The following VIPAS39 variants were observed in gnomAD, a reference collection of about 807,000 sequenced individuals.
VIPAS39 encodes VPS33B interacting protein, apical-basolateral polarity regulator, spe-39 homolog.
Under a neutral mutation model 84.7 loss-of-function variants are expected in VIPAS39, and 63 were observed. The ratio of observed to expected loss-of-function variants is 0.74; its 90% CI spans 0.61 to 0.92. The LOEUF (loss-of-function observed/expected upper bound fraction) is 0.92, where lower values mean the gene tolerates loss of function less well. VIPAS39 is among the 40% of genes least tolerant of loss of function. The probability of loss-of-function intolerance (pLI) is 0.00; values close to 1 mark genes in which losing one functional copy is unlikely to be tolerated. For missense variants in VIPAS39, 499 were observed against 604.5 expected, an observed-to-expected ratio of 0.83 and a Z score of 1.83; for synonymous variants, 192 against 216.5, an observed-to-expected ratio of 0.89 and a Z score of 0.99.
At chr14:77,431,082 C>T (rs541676777) in intron 16 of VIPAS39, among the ~76,000 whole-genome samples, 6 of 152,276 alleles carry the variant, frequency 3.9e-5, no homozygotes, top group Admixed American at 6.5e-5. Flanking sequence ...AGCCATAAAA[C>T]TCATAGAAGA....
chr14:77,456,304 T>C (rs2078959420), intron 1 of VIPAS39, among the ~76,000 whole-genome samples: 2 of 152,302 alleles, frequency 1.3e-5, no homozygotes, highest in South Asian at 4.1e-4. Context: ...ATCATCCTGG[T>C]ACCTTGGGAA....
chr14:77,429,003 C>T lies in VIPAS39; in HGVS notation c.1356+3G>A. The stretch of plus-strand genomic sequence containing the variant: ...GGAGGACTCCCATTTCTTGGGGACT[C>T]ACATCAATGACGACATCATGGCACT... On this transcript the variant is annotated splice_donor_region_variant and intron_variant, in intron 18 of 19. Coordinates refer to ENST00000557658, the MANE Select transcript of VIPAS39 (RefSeq NM_001193315.2). 1 of 1,613,614 alleles carries T rather than the reference C, an allele frequency of 6.2e-7. No individual in the cohort carries two copies. The highest frequency in any genetic ancestry group is 8.5e-7 in the Non-Finnish European group (1 of 1,179,640).
chr14:77,430,164 G>A (rs149084221), intron 16 of VIPAS39, among the ~76,000 whole-genome samples: 7 of 152,280 alleles, frequency 4.6e-5, no homozygotes, highest in African/African-American at 1.7e-4. Flanking sequence ...TTTTAACAGT[G>A]TTTGCCTTGA....
chr14:77,442,580 C>T lies in VIPAS39; in HGVS notation c.714G>A (p.Lys238=). The T allele has an allele frequency of 6.2e-7, 1 of 1,614,186 alleles. No individual in the cohort carries two copies. The highest frequency in any genetic ancestry group is 8.5e-7 in the Non-Finnish European group (1 of 1,180,024). The change falls in exon 10 of 20, where the codon AAG becomes AAA. Residue 238 remains lysine, a synonymous_variant. Coordinates refer to ENST00000557658, the MANE Select transcript of VIPAS39 (RefSeq NM_001193315.2). The part of the protein sequence containing the change: ...IHFLKEIGDQ[K]LLLDLFRFLD... ...CTTACCTGAAGAGGTCTAAAAGCAA[C>T]TTTTGATCCCCTATTTCCTTAAGGA...
chr14:77,449,266 G>A (rs368869821), intron 6 of VIPAS39, 27 bp downstream of exon 6: 1 of 1,607,598 alleles, frequency 6.2e-7, no homozygotes. Flanking sequence ...TGTGGAAAGT[G>A]TCACACCAGT....
rs375264669 is a variant in VIPAS39, at chr14:77,437,774, T to C, written c.836+34A>G. On this transcript the variant is annotated intron_variant, in intron 12 of 19. Coordinates refer to ENST00000557658, the MANE Select transcript of VIPAS39 (RefSeq NM_001193315.2). ...TCTTCATTCCTTCTGGGTAAAGGTA[T>C]TTATACTTAAAATCATTTTTCCCCC... 1.6e-4 allele frequency: 255 copies of C among 1,600,876 alleles called. No individual in the cohort carries two copies. The African/African-American group carries it at 3.2e-3, about 20-fold the overall frequency.
intron 14 of VIPAS39, 142 bp downstream of exon 14, chr14:77,435,117 G>C: frequency 7.5e-7 from 1 of 1,336,022 alleles, no homozygotes; most frequent in Non-Finnish European, 1.1e-6. Flanking sequence ...TCTTACCCCT[G>C]GTGAGGGCCA....
At position 77,429,702 on chromosome 14, in the gene VIPAS39, G is replaced by C. The variant is rs752620490; in HGVS notation, c.1245C>G (p.His415Gln). The C allele has an allele frequency of 2.5e-6, 4 of 1,614,168 alleles. No homozygotes were observed. The highest frequency in any genetic ancestry group is 2.2e-5 in the East Asian group (1 of 44,888). ...IGFHRVVEIL[H>Q]KNNAPVQILQ... ...TTACCTGCACAGGGGCATTGTTCTT[G>C]TGCAAAATTTCGACAACCCGATGGA... Residue 415 changes from histidine (H) to glutamine (Q), a missense_variant, in exon 17 of 20, where the codon CAC (histidine) becomes CAG (glutamine). Transcript: ENST00000557658.
intron 1 of VIPAS39, chr14:77,457,287 G>C: frequency 8.5e-6 from 13 of 1,535,662 alleles, no homozygotes; most frequent in Non-Finnish European, 1.0e-5. Flanking sequence ...TGAACCAAAT[G>C]TCCGCTTCCG....
In VIPAS39 at chr14:77,457,384, GCCTGTAGT is replaced by G. The variant is rs760756084; in HGVS notation, c.-1+103_-1+110del. The G allele has an allele frequency of 1.2e-5, 19 of 1,535,534 alleles. No homozygotes were observed. The African/African-American group carries it at 2.1e-4, about 17-fold the overall frequency. ...GCCCTGACTGAAAGAAGAGAATCAG[GCCTGTAGT>G]CATAGGGTGTAGGGATGCCTCCTAG... On this transcript the variant is annotated intron_variant, in intron 1 of 19. Coordinates refer to ENST00000557658, the MANE Select transcript of VIPAS39 (RefSeq NM_001193315.2).
At chr14:77,431,617 C>G (rs2078524043) in intron 16 of VIPAS39, among the ~76,000 whole-genome samples, 1 of 152,100 alleles carries the variant, frequency 6.6e-6, no homozygotes, top group South Asian at 2.1e-4. Context: ...CTGCAGTGAG[C>G]TACGGTCATG....
chr14:77,456,430 A>G (rs1047547926), intron 1 of VIPAS39, among the ~76,000 whole-genome samples: 4 of 151,900 alleles, frequency 2.6e-5, no homozygotes, highest in African/African-American at 9.7e-5. Flanking sequence ...TCTGGCACAC[A>G]TGTCAGTTCA....
intron 19 of VIPAS39, 76 bp downstream of exon 19, chr14:77,428,294 G>C: frequency 7.4e-7 from 1 of 1,348,196 alleles, no homozygotes; most frequent in South Asian, 1.2e-5. Flanking sequence ...CCAGACCTTG[G>C]GAACATACAT....
rs1002053043 is a variant in VIPAS39, at chr14:77,429,027, C to T, written c.1335G>A (p.Lys445=). 7 of 1,613,988 alleles carry T rather than the reference C, an allele frequency of 4.3e-6. No individual in the cohort carries two copies. The Admixed American group carries it at 8.3e-5, about 19-fold the overall frequency. The stretch of plus-strand genomic sequence containing the variant: ...TCACATCAATGACGACATCATGGCA[C>T]TTGAACTTAGTGGCTAAGTTCAACT... ...DTKLNLATKF[K]CHDVVIDTYR... Residue 445 remains lysine, a synonymous_variant, in exon 18 of 20, where the codon AAG becomes AAA. Transcript: ENST00000557658.
Position 77,451,259 on chromosome 14 carries a change from G to A in VIPAS39, c.271C>T (p.Arg91Ter), listed in dbSNP as rs2078876993. The change falls in exon 4 of 20, where the codon CGA becomes TGA. Residue 91 changes from arginine to a stop codon, truncating the protein, a stop_gained. Transcript: ENST00000557658. LOFTEE classifies it high-confidence loss of function. ...THEGREQLKS[R>*]NSFSSYAQLP... The stretch of plus-strand genomic sequence containing the variant: ...TGTGCATAGGAGGAGAAGCTGTTTC[G>A]GCTCTTTAGCTGTTCACGCCCCTCG... The A allele has an allele frequency of 5.0e-6, 8 of 1,614,040 alleles. No individual in the cohort carries two copies. The highest frequency in any genetic ancestry group is 1.1e-5 in the South Asian group (1 of 91,082).
chr14:77,451,104 T>C, intron 4 of VIPAS39, 83 bp downstream of exon 4: 1 of 1,597,202 alleles, frequency 6.3e-7, no homozygotes, highest in Non-Finnish European at 8.6e-7. Flanking sequence ...ATCTTTTTCT[T>C]ACAAAGTAAA....
intron 19 of VIPAS39, among the ~76,000 whole-genome samples, chr14:77,428,026 C>A (rs958086281): frequency 6.6e-6 from 1 of 152,164 alleles, no homozygotes; most frequent in Non-Finnish European, 1.5e-5. Flanking sequence ...TGGTAGGTCC[C>A]ATCCATCCCC....
At chr14:77,446,357 G>A (rs1395105264) in intron 7 of VIPAS39, among the ~76,000 whole-genome samples, 1 of 152,000 alleles carries the variant, frequency 6.6e-6, no homozygotes, top group African/African-American at 2.4e-5. Flanking sequence ...AGGTTGGAGT[G>A]CAGTGATGCA....
chr14:77,449,472 T>A, intron 5 of VIPAS39, 115 bp from the exon 6 acceptor site: 1 of 1,389,538 alleles, frequency 7.2e-7, no homozygotes. Context: ...AATGTTAACT[T>A]TATGGCCAAA....
Sources: gnomAD v4.1 joint callset for allele counts (sites outside exome capture counted in the v4.1 genomes callset) on GRCh38, gnomAD v4.1.1 for gene constraint, MANE v1.5 for transcripts, NCBI Gene and HGNC (gene_info 2026-07-23, HGNC 2026-07-21) for gene names.